Variants in PABPN1L observed in about 807,000 individuals in gnomAD.
The protein encoded by PABPN1L is PABPN1 like, cytoplasmic.
PABPN1L carries 45 observed loss-of-function variants against 34.0 expected under a neutral mutation model. The observed-to-expected ratio is 1.32, with a 90% CI of 1.04 to 1.70. PABPN1L has a LOEUF of 1.70. Ranked by LOEUF, PABPN1L falls within the 40% of genes most tolerant of loss-of-function variation. PABPN1L has a pLI of 0.00. For synonymous variants in PABPN1L, 182 were observed against 152.1 expected, an observed-to-expected ratio of 1.20 and a Z score of -1.45; for missense variants, 459 against 367.8, an observed-to-expected ratio of 1.25 and a Z score of -2.03.
upstream of PABPN1L, among the ~76,000 whole-genome samples, chr16:88,867,733 G>T (rs1004935651): frequency 6.6e-6 from 1 of 152,322 alleles, no homozygotes; most frequent in East Asian, 1.9e-4. Flanking sequence ...GCAGCAGGAG[G>T]TGACCCGTGT....
upstream of PABPN1L, among the ~76,000 whole-genome samples, chr16:88,868,341 G>A (rs1249703542): frequency 1.3e-5 from 2 of 152,100 alleles, no homozygotes; most frequent in African/African-American, 4.8e-5. Context: ...GGTGGCTCAC[G>A]CCTATAATCC....
At chr16:88,865,688 G>A (rs541493413) in intron 2 of PABPN1L, 58 bp from the exon 3 acceptor site, 35 of 1,558,948 alleles carry the variant, frequency 2.2e-5, no homozygotes, top group African/African-American at 1.9e-4. Context: ...CTCCTCTCAC[G>A]GGGAAGGTCG....
At chr16:88,868,963 A>C (rs561413728), upstream of PABPN1L, among the ~76,000 whole-genome samples, 2 of 152,260 alleles carry the variant, frequency 1.3e-5, no homozygotes, top group South Asian at 4.1e-4. Flanking sequence ...AGATCACACT[A>C]TCTGGGTGGG....
At chr16:88,866,688 G>A (rs1481032486), upstream of PABPN1L, 1 of 1,445,832 alleles carries the variant, frequency 6.9e-7, no homozygotes, top group Non-Finnish European at 9.1e-7. Context: ...GGCTCTCCTG[G>A]AGTTTTAAGC....
At chr16:88,869,616 C>T (rs146189992), upstream of PABPN1L, among the ~76,000 whole-genome samples, 555 of 152,358 alleles carry the variant, frequency 3.6e-3, 1 homozygote, top group African/African-American at 0.012. Context: ...CCCCCTGCCC[C>T]GTGTGTCTGT....
upstream of PABPN1L, chr16:88,866,667 G>C (rs565467677): frequency 6.6e-5 from 96 of 1,465,410 alleles, no homozygotes; most frequent in East Asian, 1.6e-3. Flanking sequence ...CCTCGCGTCC[G>C]CACCTGCCCA....
intron 3 of PABPN1L, among the ~76,000 whole-genome samples, 155 bp downstream of exon 3, chr16:88,865,408 G>A (rs541804315): frequency 6.6e-6 from 1 of 152,136 alleles, no homozygotes; most frequent in Non-Finnish European, 1.5e-5. Flanking sequence ...ACTGGAATAT[G>A]TGCCCAGGCC....
chr16:88,869,986 G>A (rs1968667598), upstream of PABPN1L, among the ~76,000 whole-genome samples: 1 of 152,234 alleles, frequency 6.6e-6, no homozygotes, highest in African/African-American at 2.4e-5. Context: ...TTCCAGACAG[G>A]ATCCGTGTGT....
chr16:88,863,891 G>A, intron 6 of PABPN1L, 96 bp from the exon 7 acceptor site: 1 of 1,267,636 alleles, frequency 7.9e-7, no homozygotes, highest in East Asian at 2.5e-5. Flanking sequence ...ATGCAGGGAG[G>A]TCACCTGGCT....
At chr16:88,867,384 T>C (rs538635867), upstream of PABPN1L, among the ~76,000 whole-genome samples, 10 of 152,106 alleles carry the variant, frequency 6.6e-5, no homozygotes, top group Admixed American at 2.0e-4. Context: ...CCTGCCACCA[T>C]GCCCAGCTAA....
chr16:88,868,214 A>C (rs999079007), upstream of PABPN1L, among the ~76,000 whole-genome samples: 2 of 152,106 alleles, frequency 1.3e-5, no homozygotes, highest in African/African-American at 2.4e-5. Flanking sequence ...GGTCTCAATC[A>C]ATCAGTTTAG....
intron 5 of PABPN1L, among the ~76,000 whole-genome samples, chr16:88,864,581 ACGGCCAGCACCCCTGCAGAGGGGGG>A (rs1567563658): frequency 6.6e-6 from 1 of 151,692 alleles, no homozygotes; most frequent in African/African-American, 2.4e-5. Context: ...GGGGGGGGTC[ACGGCCAGCACCCCTGCAGAGGGGGG>A]GGTCACGGCC....
upstream of PABPN1L, among the ~76,000 whole-genome samples, chr16:88,868,822 C>T (rs1315800988): frequency 2.6e-5 from 4 of 152,170 alleles, no homozygotes; most frequent in Non-Finnish European, 4.4e-5. Flanking sequence ...CCACGCTCAG[C>T]GACTCTGCGT....
exon 2 of PABPN1L, chr16:88,865,935 C>T (rs994571692): frequency 6.2e-7 from 1 of 1,606,338 alleles, no homozygotes; most frequent in Non-Finnish European, 8.5e-7. Flanking sequence ...TTGATGGCCT[C>T]CAGCTCCTGC....
At chr16:88,865,084 G>A (rs774358640) in exon 4 of PABPN1L, 3 of 1,592,338 alleles carry the variant, frequency 1.9e-6, no homozygotes, top group East Asian at 4.6e-5. Flanking sequence ...CCCCACAGCG[G>A]CTGAAGTGGG....
At chr16:88,866,730 C>T, upstream of PABPN1L, 1 of 1,348,810 alleles carries the variant, frequency 7.4e-7, no homozygotes, top group Non-Finnish European at 9.8e-7. Context: ...CCCACTAGAG[C>T]ATTTGCAAAG....
exon 3 of PABPN1L, chr16:88,865,625 G>A (rs556029380): frequency 1.5e-5 from 24 of 1,607,818 alleles, no homozygotes; most frequent in Non-Finnish European, 2.0e-5. Flanking sequence ...CCAGAGAGGG[G>A]GCAGCCTGCG....
exon 1 of PABPN1L, chr16:88,866,367 G>A: frequency 1.3e-6 from 2 of 1,550,154 alleles, no homozygotes; most frequent in East Asian, 2.4e-5. Context: ...CAGGCAATGG[G>A]CACTCAGCCA....
upstream of PABPN1L, among the ~76,000 whole-genome samples, chr16:88,867,327 G>C (rs1483233853): frequency 6.6e-6 from 1 of 151,590 alleles, no homozygotes; most frequent in Non-Finnish European, 1.5e-5. Flanking sequence ...TCCCAGGTTC[G>C]GGTGATTCTC....
Sources: allele counts gnomAD v4.1 joint callset (sites outside exome capture counted in the v4.1 genomes callset), GRCh38; gene constraint gnomAD v4.1.1; transcripts MANE v1.5; gene names NCBI Gene and HGNC (gene_info 2026-07-23, HGNC 2026-07-21).